Variants in BLOC1S6 observed in about 807,000 individuals in gnomAD.
The protein encoded by BLOC1S6 is biogenesis of lysosome-related organelles complex 1 subunit 6.
Under a neutral mutation model 24.7 loss-of-function variants are expected in BLOC1S6, and 24 were observed. The observed-to-expected ratio is 0.97, with a 90% CI of 0.70 to 1.37. The LOEUF is 1.37. Among genes scored for constraint, BLOC1S6 ranks in the 40% most tolerant of loss-of-function variants. The probability of loss-of-function intolerance (pLI) is 0.00; values close to 1 mark genes in which losing one functional copy is unlikely to be tolerated. For synonymous variants in BLOC1S6, 76 were observed against 72.6 expected, an observed-to-expected ratio of 1.05 and a Z score of -0.23; for missense variants, 175 against 196.2, an observed-to-expected ratio of 0.89 and a Z score of 0.64.
chr15:45,601,175 G>A (rs778657039), intron 2 of BLOC1S6: 5 of 154,352 alleles, frequency 3.2e-5, no homozygotes, highest in Admixed American at 6.5e-5. Flanking sequence ...TTAAGTGAAT[G>A]TGGTCTCTCT....
chr15:45,587,186 A>T, upstream of BLOC1S6: 1 of 552,310 alleles, frequency 1.8e-6, no homozygotes, highest in Non-Finnish European at 3.3e-6. Context: ...ATCGGATCGC[A>T]GGGACTCGAG....
At position 45,602,968 on chromosome 15, in the gene BLOC1S6, A is replaced by G. The variant is rs1356144072; in HGVS notation, c.225-132A>G. 7.5e-6 allele frequency: 5 copies of G among 666,634 alleles called. No individual in the cohort carries two copies. In the African/African-American group the frequency reaches 9.0e-5, roughly 12 times the overall value. The allele number at this position is 666,634 out of a possible 1,614,324, so 41.3% of individuals were successfully genotyped here. On this transcript the variant is annotated intron_variant, in intron 2 of 4. Coordinates refer to ENST00000220531, the MANE Select transcript of BLOC1S6 (RefSeq NM_012388.4). The stretch of plus-strand genomic sequence containing the variant: ...TTTGAAAAATCTTATTCTATATTAA[A>G]TAAACCTTAGAGAGTTAATACATTT...
At chr15:45,593,145 G>A (rs1282221638) in intron 2 of BLOC1S6, among the ~76,000 whole-genome samples, 2 of 152,104 alleles carry the variant, frequency 1.3e-5, no homozygotes, top group African/African-American at 2.4e-5. Context: ...TGTAATCCCA[G>A]CACTTTGGGA....
rs558749552 is a variant in BLOC1S6 at position 45,596,074 on chromosome 15, T to C, written c.224+3798T>C. On this transcript the variant is annotated intron_variant, in intron 2 of 4. Transcript: ENST00000220531. ...CCTCGGCCTCCCAAAGTGCTGGGAT[T>C]AGAGGTGTGAGCCACCACGCCCGGC... is the stretch of plus-strand genomic sequence containing the variant. 5.3e-5 allele frequency among the ~76,000 whole-genome samples: 8 copies of C among 152,206 alleles called. No individual in the cohort carries two copies. In the South Asian group the frequency reaches 1.4e-3, roughly 28 times the overall value.
At chr15:45,595,633 T>G (rs2140908234) in intron 2 of BLOC1S6, among the ~76,000 whole-genome samples, 1 of 152,170 alleles carries the variant, frequency 6.6e-6, no homozygotes, top group East Asian at 1.9e-4. Flanking sequence ...TTTAATAAAT[T>G]TATTTAATAA....
chr15:45,593,518 C>T (rs902242964), intron 2 of BLOC1S6, among the ~76,000 whole-genome samples: 4 of 151,790 alleles, frequency 2.6e-5, no homozygotes, highest in South Asian at 2.1e-4. Flanking sequence ...CCCTAGCGCG[C>T]GATATACCTT....
chr15:45,588,580 G>C (rs1200370636), intron 1 of BLOC1S6, among the ~76,000 whole-genome samples: 1 of 151,994 alleles, frequency 6.6e-6, no homozygotes, highest in Non-Finnish European at 1.5e-5. Context: ...TGAAAGGCTG[G>C]TTCACCTCCA....
Position 45,609,643 on chromosome 15 carries a change from C to T in BLOC1S6, c.*3129C>T, listed in dbSNP as rs543400627. On this transcript the variant is annotated 3_prime_UTR_variant, in exon 5 of 5. Transcript: ENST00000220531. ...TAACAATTATACACCCTCATACATT[C>T]GTCTGATTTTGAGCTTGTAAGATGA... The T allele has an allele frequency of 5.3e-5, 8 of 152,182 alleles. No individual in the cohort carries two copies. The highest frequency in any genetic ancestry group is 2.1e-4 in the South Asian group (1 of 4,818). The allele number at this position is 152,182 out of a possible 1,614,324, so 9.4% of individuals were successfully genotyped here.
chr15:45,590,287 C>T (rs985096891), intron 1 of BLOC1S6, among the ~76,000 whole-genome samples: 2 of 151,808 alleles, frequency 1.3e-5, no homozygotes, highest in South Asian at 2.1e-4. Context: ...TGTTGCCTTG[C>T]AACTTTGAGA....
At chr15:45,588,264 A>C (rs1449193166) in intron 1 of BLOC1S6, among the ~76,000 whole-genome samples, 1 of 152,200 alleles carries the variant, frequency 6.6e-6, no homozygotes, top group Non-Finnish European at 1.5e-5. Flanking sequence ...GGATCTCTTC[A>C]CACTTTCATT....
rs181870411 is a variant in BLOC1S6 at position 45,600,284 on chromosome 15, A to G, written c.225-2816A>G. ...CAGCATGGCACATGTATACATACGT[A>G]ACTAACCTGCACAATGTGCACATGT... On this transcript the variant is annotated intron_variant, in intron 2 of 4. Transcript: ENST00000220531. Among the ~76,000 whole-genome samples the G allele has an allele frequency of 4.8e-3, 732 of 151,852 alleles. 10 individuals are homozygous for G. The highest frequency in any genetic ancestry group is 0.037 in the South Asian group (178 of 4,788).
At position 45,606,906 on chromosome 15, in the gene BLOC1S6, A is replaced by T. The variant is rs1007238319; in HGVS notation, c.*392A>T. The T allele has an allele frequency of 1.5e-5, 3 of 196,838 alleles. No homozygotes were observed. The allele number at this position is 196,838 out of a possible 1,614,324, so 12.2% of individuals were successfully genotyped here. A position where few individuals can be genotyped will look rare whatever the true frequency, so the allele number is the denominator to read the frequency against. ...AAATGACTTGCCTTTCTGGTAATAC[A>T]ATGCTGATTTTTTAGTAATTGCCTT... is the stretch of plus-strand genomic sequence containing the variant. On this transcript the variant is annotated 3_prime_UTR_variant, in exon 5 of 5. Transcript: ENST00000220531.
At chr15:45,604,968 T>C (rs1894397795) in intron 3 of BLOC1S6, among the ~76,000 whole-genome samples, 1 of 152,202 alleles carries the variant, frequency 6.6e-6, no homozygotes, top group South Asian at 2.1e-4. Context: ...TTGTCCACAG[T>C]CCTTTCTGTC....
intron 4 of BLOC1S6, 80 bp downstream of exon 4, chr15:45,605,594 TC>T: frequency 2.6e-6 from 3 of 1,166,842 alleles, no homozygotes; most frequent in African/African-American, 1.6e-5. Flanking sequence ...TTTTCAGTAT[TC>T]TTTTTTTTTT....
chr15:45,595,043 T>C (rs1894019489), intron 2 of BLOC1S6, among the ~76,000 whole-genome samples: 1 of 152,078 alleles, frequency 6.6e-6, no homozygotes, highest in Admixed American at 6.6e-5. Context: ...AAAACTTTTG[T>C]TTCCTCTCCC....
In BLOC1S6 at chr15:45,605,449, C is replaced by G; in HGVS notation, c.334C>G (p.His112Asp). The G allele has an allele frequency of 6.2e-7, 1 of 1,612,310 alleles. No individual in the cohort carries two copies. Among genetic ancestry groups the G allele is most frequent in the Non-Finnish European group, 8.5e-7 (1 of 1,178,904 alleles). The change falls in exon 4 of 5, where the codon CAT becomes GAT. Residue 112 changes from histidine (H) to aspartate (D), a missense_variant. Transcript: ENST00000220531. ...NALFAEAKHYHAKLVNIRKEM... is the reference protein window; with the variant it reads ...NALFAEAKHYDAKLVNIRKEM... ...TAAGTTTGCTGAGGCTAAACACTAT[C>G]ATGCCAAGTTGGTGAATATAAGAAA...
intron 2 of BLOC1S6, among the ~76,000 whole-genome samples, chr15:45,594,096 G>A (rs1194446727): frequency 6.6e-6 from 1 of 152,054 alleles, no homozygotes; most frequent in African/African-American, 2.4e-5. Flanking sequence ...GTACTGGACT[G>A]AGAGCCACCT....
intron 2 of BLOC1S6, chr15:45,598,227 T>C (rs891088595): frequency 2.0e-5 from 3 of 151,162 alleles, no homozygotes; most frequent in South Asian, 2.1e-4. Flanking sequence ...GCCAATATCA[T>C]ACTGAATGGG....
intron 1 of BLOC1S6, among the ~76,000 whole-genome samples, chr15:45,589,825 G>A (rs531543112): frequency 2.0e-5 from 3 of 150,266 alleles, no homozygotes; most frequent in South Asian, 2.1e-4. Context: ...TGGAAGCAGA[G>A]GGTAAAAGAG....
Sources: allele counts gnomAD v4.1 joint callset (sites outside exome capture counted in the v4.1 genomes callset), GRCh38; gene constraint gnomAD v4.1.1; transcripts MANE v1.5; gene names NCBI Gene and HGNC (gene_info 2026-07-23, HGNC 2026-07-21).